The following STAU1 variants were observed in gnomAD, a reference collection of about 807,000 sequenced individuals.
STAU1 encodes double-stranded RNA-binding protein Staufen homolog 1.
In STAU1, 13 loss-of-function variants were observed where a neutral mutation model predicts 62.9. The ratio of observed to expected loss-of-function variants is 0.21; its 90% confidence interval spans 0.13 to 0.33. The LOEUF is 0.33. Ranked by LOEUF, STAU1 falls within the 10% of genes least tolerant of loss-of-function variation. The pLI, the probability that STAU1 is intolerant of heterozygous loss-of-function variation, is 1.00. For synonymous variants in STAU1, 269 were observed against 265.1 expected, an observed-to-expected ratio of 1.01 and a Z score of -0.14; for missense variants, 571 against 712.1, an observed-to-expected ratio of 0.80 and a Z score of 2.25.
chr20:49,154,126 A>C (rs1278498254), intron 3 of STAU1, 55 bp from the exon 4 acceptor site: 1 of 1,520,908 alleles, frequency 6.6e-7, no homozygotes, highest in Non-Finnish European at 8.8e-7. Context: ...AATGATACTC[A>C]CTAAAATAAA....
Position 49,186,952 on chromosome 20 carries a change from A to G in STAU1, c.-160+1164T>C, listed in dbSNP as rs1049501634. Among the ~76,000 whole-genome samples, 31 of 152,144 alleles carry G rather than the reference A, an allele frequency of 2.0e-4. 1 individual carries two copies. The highest frequency in any genetic ancestry group is 3.2e-4 in the Non-Finnish European group (22 of 68,036). On this transcript the variant is annotated intron_variant, in intron 1 of 13. Coordinates refer to ENST00000371856, the MANE Select transcript of STAU1 (RefSeq NM_017453.4). The stretch of plus-strand genomic sequence containing the variant: ...GCGGAACAGAAGAAAACTTCCACAC[A>G]AGCAATACTGCAACACGGAGGCGGG...
chr20:49,179,678 G>A (rs888636035), intron 1 of STAU1, among the ~76,000 whole-genome samples: 1 of 152,332 alleles, frequency 6.6e-6, no homozygotes, highest in East Asian at 1.9e-4. Flanking sequence ...GAATCTGCAA[G>A]GGTAGAAAAT....
At chr20:49,158,781 G>A (rs926823944) in intron 3 of STAU1, among the ~76,000 whole-genome samples, 1 of 151,958 alleles carries the variant, frequency 6.6e-6, no homozygotes, top group Non-Finnish European at 1.5e-5. Context: ...CTGCACTCCA[G>A]TATGGGCAAC....
chr20:49,163,889 C>T (rs1173803600), intron 3 of STAU1, among the ~76,000 whole-genome samples: 1 of 151,592 alleles, frequency 6.6e-6, no homozygotes, highest in Admixed American at 6.6e-5. Flanking sequence ...CTCAGCCTCC[C>T]AAGTAGCTGG....
chr20:49,186,505 T>C (rs908453449), intron 1 of STAU1, among the ~76,000 whole-genome samples: 2 of 152,076 alleles, frequency 1.3e-5, no homozygotes, highest in Non-Finnish European at 2.9e-5. Flanking sequence ...GGAAATTTAA[T>C]GCCTAAAACA....
chr20:49,186,869 T>C (rs919751401), intron 1 of STAU1, among the ~76,000 whole-genome samples: 1 of 151,938 alleles, frequency 6.6e-6, no homozygotes, highest in Non-Finnish European at 1.5e-5. Flanking sequence ...AAGTGTGACC[T>C]TAAAAACTTC....
chr20:49,158,904 AAAAT>A (rs376969682), intron 3 of STAU1: 248 of 1,165,482 alleles, frequency 2.1e-4, no homozygotes, highest in South Asian at 6.0e-4. Flanking sequence ...CTCCATCTCA[AAAAT>A]AAATAAATAA....
At chr20:49,198,636 C>A in the STAU1 span, among the ~76,000 whole-genome samples, 1 of 151,594 alleles carries the variant, frequency 6.6e-6, no homozygotes, top group Non-Finnish European at 1.5e-5. Flanking sequence ...TCAAGACTAG[C>A]CTGGCCCACA....
chr20:49,122,579 G>A (rs2092489215), intron 8 of STAU1, among the ~76,000 whole-genome samples: 1 of 152,124 alleles, frequency 6.6e-6, no homozygotes. Context: ...GATTTCTGTG[G>A]TATGTTTAAG....
chr20:49,156,923 T>C (rs2093368036), intron 3 of STAU1, among the ~76,000 whole-genome samples: 1 of 151,778 alleles, frequency 6.6e-6, no homozygotes, highest in Admixed American at 6.6e-5. Flanking sequence ...TGTCCCCAGG[T>C]TAGAGTGCAG....
intron 2 of STAU1, 129 bp from the exon 3 acceptor site, chr20:49,166,414 G>T: frequency 3.6e-6 from 2 of 554,746 alleles, no homozygotes; most frequent in Non-Finnish European, 6.4e-6. Flanking sequence ...TAGCTATGTT[G>T]ATTTATTCGA....
chr20:49,206,401 C>T, the STAU1 span, among the ~76,000 whole-genome samples: 2 of 146,562 alleles, frequency 1.4e-5, no homozygotes, highest in Non-Finnish European at 3.0e-5. Context: ...TTCCTCTTGG[C>T]ATCTTCCTTC....
Position 49,151,737 on chromosome 20 carries a change from G to T in STAU1, c.355C>A (p.Pro119Thr). 6.2e-7 allele frequency: 1 copy of T among 1,607,402 alleles called. No homozygotes were observed. The highest frequency in any genetic ancestry group is 1.1e-5 in the South Asian group (1 of 89,834). The change falls in exon 5 of 14, where the codon CCA (proline) becomes ACA (threonine). Residue 119 changes from proline (P) to threonine (T), a missense_variant. This residue lies in a region of STAU1 where 414 missense variants were observed against 499.6 expected (regional missense o/e 0.83). Transcript: ENST00000371856. The part of the protein sequence containing the change: ...GGAYPPRYFY[P>T]FPVPPLLYQV... ...TAAAGTAAAGGTGGAACTGGAAATG[G>T]GTAAAAGTACCTAGAAATAAAAGGA...
At chr20:49,149,329 AACACACAC>A (rs777336438) in intron 5 of STAU1, among the ~76,000 whole-genome samples, 4 of 150,068 alleles carry the variant, frequency 2.7e-5, no homozygotes, top group Non-Finnish European at 5.9e-5. Context: ...ACTGTCTCAA[AACACACAC>A]ACACACACCC....
chr20:49,136,980 C>T (rs1254967246), intron 5 of STAU1, among the ~76,000 whole-genome samples: 2 of 152,188 alleles, frequency 1.3e-5, no homozygotes, highest in Non-Finnish European at 2.9e-5. Flanking sequence ...AGGCGTGAGC[C>T]ACCACGCCCG....
chr20:49,153,906 CAAAAAAAA>C lies in STAU1; in HGVS notation c.344+19_344+26del. On this transcript the variant is annotated intron_variant, in intron 4 of 13. Coordinates refer to ENST00000371856, the MANE Select transcript of STAU1 (RefSeq NM_017453.4). The stretch of plus-strand genomic sequence containing the variant: ...CAGACACGTTTTCTCCTGTATTTTA[CAAAAAAAA>C]AAAAAAAAAAACACATACCTCGGGG... The C allele has an allele frequency of 7.3e-7, 1 of 1,369,710 alleles. No homozygotes were observed. 84.8% of individuals were successfully genotyped at this position (1,369,710 alleles called of 1,614,324 possible).
intron 3 of STAU1, among the ~76,000 whole-genome samples, chr20:49,157,666 G>A (rs1335709047): frequency 6.6e-6 from 1 of 152,052 alleles, no homozygotes; most frequent in Non-Finnish European, 1.5e-5. Context: ...TTTTAGTAGG[G>A]ATGGGGTTTC....
intron 3 of STAU1, among the ~76,000 whole-genome samples, chr20:49,157,614 G>A (rs1371464234): frequency 1.3e-5 from 2 of 152,072 alleles, no homozygotes; most frequent in Non-Finnish European, 2.9e-5. Context: ...TGAGTAGCTG[G>A]GACTACAGGC....
In STAU1 at chr20:49,118,080, C is replaced by T. The variant is rs996582489; in HGVS notation, c.1206G>A (p.Glu402=). The T allele has an allele frequency of 6.2e-7, 1 of 1,614,034 alleles. No homozygotes were observed. The highest frequency in any genetic ancestry group is 8.5e-7 in the Non-Finnish European group (1 of 1,179,952). Residue 402 remains glutamate (E), a synonymous_variant, in exon 11 of 14, where the codon GAG becomes GAA. Transcript: ENST00000371856. ...GATGACTTAGATAAGGCATCCTGAA[C>T]TCATCCTCTTTATTACCTGGGAGGG... ...DENGTSNKED[E]FRMPYLSHQQ... is the part of the protein sequence containing the mutation.
Sources: allele counts gnomAD v4.1 joint callset (sites outside exome capture counted in the v4.1 genomes callset), GRCh38; gene constraint gnomAD v4.1.1; regional missense constraint gnomAD v4.1.1; transcripts MANE v1.5; gene names NCBI Gene and HGNC (gene_info 2026-07-23, HGNC 2026-07-21).